Variants in DOK6 observed in about 807,000 individuals in gnomAD.
The protein encoded by DOK6 is downstream of tyrosine kinase 6.
A neutral mutation model predicts 44.0 loss-of-function variants in DOK6; 22 were observed. That is an observed-to-expected ratio of 0.50 (90% CI 0.36 to 0.71). DOK6 has a LOEUF of 0.71. Among genes scored for constraint, DOK6 ranks in the 30% least tolerant of loss-of-function variants. The probability of loss-of-function intolerance (pLI) is 0.00; values close to 1 mark genes in which losing one functional copy is unlikely to be tolerated. For synonymous variants in DOK6, 166 were observed against 145.5 expected (o/e 1.14, Z -1.01); for missense variants, 340 against 416.4 (o/e 0.82, Z 1.60).
At chr18:69,563,351 C>T (rs1414420072) in intron 1 of DOK6, among the ~76,000 whole-genome samples, 15 of 152,216 alleles carry the variant, frequency 9.9e-5, no homozygotes, top group East Asian at 7.7e-4. Context: ...CACATGCACA[C>T]GTATGTTTAT....
chr18:69,406,946 A>G (rs1046008988), intron 1 of DOK6, among the ~76,000 whole-genome samples: 5 of 152,070 alleles, frequency 3.3e-5, no homozygotes, highest in African/African-American at 7.2e-5. Context: ...CGGGGTGCAG[A>G]GGCCAGCGCC....
chr18:69,612,581 G>A (rs973977176), intron 3 of DOK6, among the ~76,000 whole-genome samples: 2 of 151,776 alleles, frequency 1.3e-5, no homozygotes, highest in Non-Finnish European at 2.9e-5. Context: ...CATTTTCAGC[G>A]TAAGGTTCTC....
At chr18:69,743,974 A>T (rs777391870) in intron 6 of DOK6, among the ~76,000 whole-genome samples, 2 of 152,160 alleles carry the variant, frequency 1.3e-5, no homozygotes, top group Non-Finnish European at 2.9e-5. Context: ...TGCCTTAAAA[A>T]CATCATCAGT....
intron 4 of DOK6, among the ~76,000 whole-genome samples, chr18:69,693,433 T>C (rs756821640): frequency 2.0e-5 from 3 of 152,154 alleles, no homozygotes; most frequent in Non-Finnish European, 4.4e-5. Context: ...ATGTTCACCA[T>C]GTGCTAGATG....
chr18:69,774,915 A>G (rs1212344456), intron 7 of DOK6, among the ~76,000 whole-genome samples: 1 of 152,010 alleles, frequency 6.6e-6, no homozygotes, highest in Non-Finnish European at 1.5e-5. Flanking sequence ...TTGAAACACG[A>G]GGGTAAAATT....
intron 4 of DOK6, among the ~76,000 whole-genome samples, chr18:69,693,840 T>C (rs563518116): frequency 9.0e-4 from 137 of 151,412 alleles, no homozygotes; most frequent in African/African-American, 3.0e-3. Context: ...GGGCGGATCA[T>C]GAGGTCAGGA....
chr18:69,414,467 C>T (rs529139238), intron 1 of DOK6, among the ~76,000 whole-genome samples: 7 of 152,150 alleles, frequency 4.6e-5, no homozygotes, highest in Admixed American at 4.6e-4. Context: ...AAACACCAAT[C>T]ATCAAATGTT....
intron 1 of DOK6, among the ~76,000 whole-genome samples, chr18:69,495,652 G>A (rs1293534141): frequency 5.3e-5 from 8 of 152,176 alleles, no homozygotes; most frequent in Admixed American, 1.3e-4. Context: ...CCTGCCTGCA[G>A]CCTTCAGGCC....
At chr18:69,667,430 C>G (rs1474483803) in intron 3 of DOK6, among the ~76,000 whole-genome samples, 2 of 152,160 alleles carry the variant, frequency 1.3e-5, no homozygotes, top group Admixed American at 1.3e-4. Context: ...CTTTTGTCTT[C>G]CAACAAAGAC....
chr18:69,825,462 G>A (rs1420006729), intron 7 of DOK6, among the ~76,000 whole-genome samples: 1 of 115,226 alleles, frequency 8.7e-6, no homozygotes, highest in Non-Finnish European at 1.7e-5. Flanking sequence ...TTGAGACGGA[G>A]TCTTGCTCTG....
intron 2 of DOK6, among the ~76,000 whole-genome samples, chr18:69,588,893 A>C: frequency 6.6e-6 from 1 of 152,142 alleles, no homozygotes; most frequent in East Asian, 1.9e-4. Flanking sequence ...TAAGCTTGTA[A>C]TTATTAATAA....
intron 4 of DOK6, among the ~76,000 whole-genome samples, chr18:69,687,577 G>C (rs1986180169): frequency 1.3e-5 from 2 of 152,160 alleles, no homozygotes; most frequent in South Asian, 2.1e-4. Flanking sequence ...AGCTACTCAG[G>C]AGGCTGAGGC....
intron 1 of DOK6, among the ~76,000 whole-genome samples, chr18:69,413,838 A>G (rs116821056): frequency 0.03 from 4,544 of 151,948 alleles, 236 homozygotes; most frequent in African/African-American, 0.1. Context: ...ATACTTAAGG[A>G]CTATACATCT....
In DOK6 at chr18:69,593,201, C is replaced by CA. The variant is rs1004610716; in HGVS notation, c.175-6176dup. Among the ~76,000 whole-genome samples the CA allele has an allele frequency of 1.3e-4, 19 of 151,714 alleles. No individual in the cohort carries two copies. In the South Asian group the frequency reaches 1.7e-3, roughly 13 times the overall value. On this transcript the variant is annotated intron_variant, in intron 2 of 7. Coordinates refer to ENST00000382713, the MANE Select transcript of DOK6 (RefSeq NM_152721.6). ...ATAACATAGAGAGAGCCCATTTCTA[C>CA]AAAAAAATTAAATTAAAAAAATTAG...
chr18:69,459,794 G>C (rs1283761332), intron 1 of DOK6, among the ~76,000 whole-genome samples: 1 of 152,080 alleles, frequency 6.6e-6, no homozygotes, highest in East Asian at 1.9e-4. Flanking sequence ...TTTGGTGCTT[G>C]GCTTGAATAT....
At chr18:69,504,060 T>G (rs990538792) in intron 1 of DOK6, among the ~76,000 whole-genome samples, 1 of 152,044 alleles carries the variant, frequency 6.6e-6, no homozygotes, top group Non-Finnish European at 1.5e-5. Context: ...TATAATACTG[T>G]AGGTTTCCAT....
At chr18:69,776,008 C>G (rs1382853964) in intron 7 of DOK6, among the ~76,000 whole-genome samples, 4 of 151,794 alleles carry the variant, frequency 2.6e-5, no homozygotes, top group Non-Finnish European at 5.9e-5. Flanking sequence ...TTAGATGGAA[C>G]CTATTGAAAC....
intron 3 of DOK6, among the ~76,000 whole-genome samples, chr18:69,620,831 G>C (rs887110729): frequency 1.3e-5 from 2 of 152,160 alleles, no homozygotes; most frequent in African/African-American, 4.8e-5. Context: ...TTCCTAGTCA[G>C]GTTTCGGCAT....
At chr18:69,643,279 T>G (rs75952518) in intron 3 of DOK6, among the ~76,000 whole-genome samples, 5 of 152,286 alleles carry the variant, frequency 3.3e-5, no homozygotes, top group Non-Finnish European at 5.9e-5. Flanking sequence ...ATTTTCCTAG[T>G]TTTGCTTTTA....
Sources: gnomAD v4.1 joint callset for allele counts (sites outside exome capture counted in the v4.1 genomes callset) on GRCh38, gnomAD v4.1.1 for gene constraint, MANE v1.5 for transcripts, NCBI Gene and HGNC (gene_info 2026-07-23, HGNC 2026-07-21) for gene names.